The following CPT2 variants were observed in gnomAD, a reference collection of about 807,000 sequenced individuals.
CPT2 encodes carnitine O-palmitoyltransferase 2, mitochondrial.
CPT2 carries 37 observed loss-of-function variants against 48.6 expected under a neutral mutation model. That is an observed-to-expected ratio of 0.76 (90% CI 0.59 to 1.00). The LOEUF (loss-of-function observed/expected upper bound fraction) is 1.00, where lower values mean the gene tolerates loss of function less well. Among genes scored for constraint, CPT2 ranks in the 50% least tolerant of loss-of-function variants. The pLI is 0.00. For missense variants in CPT2, 772 were observed against 825.6 expected (o/e 0.94, Z 0.80); for synonymous variants, 319 against 326.9 (o/e 0.98, Z 0.26).
chr1:53,199,409 T>C (rs1197878734), intron 1 of CPT2, among the ~76,000 whole-genome samples: 1 of 152,180 alleles, frequency 6.6e-6, no homozygotes, highest in Non-Finnish European at 1.5e-5. Context: ...AGGCTGGTCT[T>C]GAACTCCTGG....
intron 3 of CPT2, among the ~76,000 whole-genome samples, chr1:53,204,558 G>C (rs1182487126): frequency 6.6e-6 from 1 of 152,066 alleles, no homozygotes; most frequent in Non-Finnish European, 1.5e-5. Context: ...CGATATGAGT[G>C]AGATATTAAA....
chr1:53,206,311 T>C (rs1310127289), intron 3 of CPT2, among the ~76,000 whole-genome samples: 1 of 151,900 alleles, frequency 6.6e-6, no homozygotes, highest in East Asian at 1.9e-4. Flanking sequence ...ACTAGGGCAA[T>C]GCAGATGGGA....
Position 53,210,939 on chromosome 1 carries a change from C to T in CPT2, c.1265C>T (p.Ala422Val). The T allele has an allele frequency of 6.2e-7, 1 of 1,614,172 alleles. No individual in the cohort carries two copies. Among genetic ancestry groups the T allele is most frequent in the Non-Finnish European group, 8.5e-7 (1 of 1,180,038 alleles). ...AAACTCAACTTCGAGCTGACTGATG[C>T]CTTAAAGACTGGCATCACAGCTGCT... Reference protein sequence around the residue: ...VQKLNFELTDALKTGITAAKE... With the variant: ...VQKLNFELTDVLKTGITAAKE... The change falls in exon 4 of 5, where the codon GCC (alanine) becomes GTC (valine). Residue 422 changes from alanine to valine, a missense_variant. Ala to Val is a moderately conservative substitution (Grantham distance 64, BLOSUM62 0). Coordinates refer to ENST00000371486, the MANE Select transcript of CPT2 (RefSeq NM_000098.3).
chr1:53,213,073 C>T lies in CPT2; in HGVS notation c.1646-191C>T. On this transcript the variant is annotated intron_variant, in intron 4 of 4. Transcript: ENST00000371486. ...AAATGTAACATGACATAATATATTT[C>T]CTAAATAATTTAAAATAATCTAGCT... 4.9e-6 allele frequency: 3 copies of T among 615,520 alleles called. No homozygotes were observed. In the East Asian group the frequency reaches 8.2e-5, roughly 17 times the overall value. 38.1% of individuals were successfully genotyped at this position (615,520 alleles called of 1,614,324 possible). A position where few individuals can be genotyped will look rare whatever the true frequency, so the allele number is the denominator to read the frequency against.
chr1:53,200,113 T>G (rs975491511), intron 1 of CPT2: 2 of 153,142 alleles, frequency 1.3e-5, no homozygotes, highest in Non-Finnish European at 2.9e-5. Flanking sequence ...GAATGATAAG[T>G]AGGCAAATTG....
chr1:53,197,627 AC>A lies in CPT2; in HGVS notation c.152+538del, dbSNP rs1167079306. On this transcript the variant is annotated intron_variant, in intron 1 of 4. Transcript: ENST00000371486. Reference sequence around the variant, plus strand: ...CATTTCTCCAGTACTCTGTTCTTTCACCCCCCATGAGCCCCCACAAGCACAG... The same window carrying A: ...CATTTCTCCAGTACTCTGTTCTTTCACCCCCATGAGCCCCCACAAGCACAG... The A allele has an allele frequency of 6.1e-5, 12 of 195,514 alleles. No individual in the cohort carries two copies. In the Admixed American group the frequency reaches 6.9e-4, roughly 11 times the overall value. The allele number at this position is 195,514 out of a possible 1,614,324, so 12.1% of individuals were successfully genotyped here. A position where few individuals can be genotyped will look rare whatever the true frequency, so the allele number is the denominator to read the frequency against.
chr1:53,207,856 C>T (rs1645398080), intron 3 of CPT2: 1 of 152,142 alleles, frequency 6.6e-6, no homozygotes, highest in African/African-American at 2.4e-5. Flanking sequence ...ATTGAATAGT[C>T]CTTCAACCAG....
intron 2 of CPT2, chr1:53,201,862 G>C (rs1208285183): frequency 5.5e-6 from 1 of 180,502 alleles, no homozygotes; most frequent in African/African-American, 2.4e-5. Flanking sequence ...ACCAGTTATT[G>C]AGTATTATGT....
chr1:53,202,823 C>T (rs890283503), intron 3 of CPT2: 2 of 250,588 alleles, frequency 8.0e-6, no homozygotes, highest in Non-Finnish European at 1.6e-5. Flanking sequence ...CCTCATTGCT[C>T]CCTGAACCCT....
Position 53,210,176 on chromosome 1 carries a change from G to A in CPT2, c.502G>A (p.Ala168Thr), listed in dbSNP as rs1482130494. The A allele has an allele frequency of 6.2e-7, 1 of 1,614,100 alleles. No individual in the cohort carries two copies. The highest frequency in any genetic ancestry group is 1.1e-5 in the South Asian group (1 of 91,082). ...SAIRFLKTLR[A>T]GLLEPEVFHL... ...CATCCGGTTTCTGAAGACACTCCGG[G>A]CTGGCCTTCTGGAGCCAGAAGTGTT... Residue 168 changes from alanine (A) to threonine (T), a missense_variant, in exon 4 of 5, where the codon GCT (alanine) becomes ACT (threonine). By Grantham distance (58) the Ala-to-Thr change is moderately conservative. Coordinates refer to ENST00000371486, the MANE Select transcript of CPT2 (RefSeq NM_000098.3).
chr1:53,204,895 T>A (rs952448775), intron 3 of CPT2, among the ~76,000 whole-genome samples: 3 of 152,246 alleles, frequency 2.0e-5, no homozygotes, highest in African/African-American at 7.2e-5. Context: ...GTAAGTTTCC[T>A]GAGGCCTCCC....
intron 4 of CPT2, chr1:53,211,660 C>T (rs1277744783): frequency 1.4e-5 from 5 of 346,338 alleles, no homozygotes; most frequent in Non-Finnish European, 2.0e-5. Context: ...AGTGCAATGG[C>T]GTGATCTCGG....
In CPT2 at chr1:53,209,860, T is replaced by C. The variant is rs12737375; in HGVS notation, c.341-155T>C. 0.29 allele frequency: 194,946 copies of C among 661,260 alleles called. 31,968 individuals carry two copies. Among genetic ancestry groups the C allele is most frequent in the East Asian group, 0.47 (17,467 of 37,096 alleles). The allele number at this position is 661,260 out of a possible 1,614,324, so 41.0% of individuals were successfully genotyped here. On this transcript the variant is annotated intron_variant, in intron 3 of 4. Coordinates refer to ENST00000371486, the MANE Select transcript of CPT2 (RefSeq NM_000098.3). ...TATTGTATGACCCCATTTGTATGTC[T>C]TGAATTATTGCAGAGCAAAAACATT...
chr1:53,198,293 T>A (rs1299251516), intron 1 of CPT2, among the ~76,000 whole-genome samples: 1 of 152,218 alleles, frequency 6.6e-6, no homozygotes, highest in Non-Finnish European at 1.5e-5. Context: ...TGGAACATTG[T>A]GTCACAGGCC....
In CPT2 at chr1:53,214,092, CAA is replaced by C. The variant is rs374495416; in HGVS notation, c.*498_*499del. On this transcript the variant is annotated 3_prime_UTR_variant, in exon 5 of 5. Transcript: ENST00000371486. ...GGGACTAGATCACAACTGAAGATAA[CAA>C]GAGATTTAAGTTTTAAGGGCATTTA... 5.9e-6 allele frequency: 1 copy of C among 168,330 alleles called. No individual in the cohort carries two copies. The highest frequency in any genetic ancestry group is 2.4e-5 in the African/African-American group (1 of 41,596). 10.4% of individuals were successfully genotyped at this position (168,330 alleles called of 1,614,324 possible).
chr1:53,198,822 C>T (rs180734052), intron 1 of CPT2, among the ~76,000 whole-genome samples: 57 of 152,312 alleles, frequency 3.7e-4, no homozygotes, highest in Admixed American at 3.3e-3. Flanking sequence ...CCTTAAGCAA[C>T]CAACCTCCCC....
Position 53,213,462 on chromosome 1 carries a change from C to T in CPT2, c.1844C>T (p.Ala615Val). ...TCTGATGGCTTTGGTGTTGGGTATG[C>T]TGTTCATGACAACTGGATAGGCTGC... is the stretch of plus-strand genomic sequence containing the variant. Reference protein sequence around the residue: ...VVSDGFGVGYAVHDNWIGCNV... With the variant: ...VVSDGFGVGYVVHDNWIGCNV... Residue 615 changes from alanine to valine, a missense_variant, in exon 5 of 5, where the codon GCT becomes GTT. Physicochemically the swap from Ala to Val is moderately conservative, Grantham distance 64 (BLOSUM62 0). Transcript: ENST00000371486. The T allele has an allele frequency of 2.5e-6, 4 of 1,614,264 alleles. No individual in the cohort carries two copies. Among genetic ancestry groups the T allele is most frequent in the Non-Finnish European group, 3.4e-6 (4 of 1,180,052 alleles).
chr1:53,196,844 C>A lies in CPT2; in HGVS notation c.-100C>A, dbSNP rs995165438. 6.9e-7 allele frequency: 1 copy of A among 1,450,248 alleles called. No individual in the cohort carries two copies. The highest frequency in any genetic ancestry group is 1.4e-5 in the African/African-American group (1 of 69,122). The allele number at this position is 1,450,248 out of a possible 1,614,324, so 89.8% of individuals were successfully genotyped here. A position where few individuals can be genotyped will look rare whatever the true frequency, so the allele number is the denominator to read the frequency against. On this transcript the variant is annotated 5_prime_UTR_variant, in exon 1 of 5. In the 5' UTR this introduces an upstream ATG that the reference lacks. Transcript: ENST00000371486. Reference sequence around the variant, plus strand: ...CGGGCGGAGAAGTGCCTCAGGAGTCCTGACGCAGTGTCTTGGGCGCTAACG... The same window carrying A: ...CGGGCGGAGAAGTGCCTCAGGAGTCATGACGCAGTGTCTTGGGCGCTAACG...
In CPT2 at chr1:53,210,075, T is replaced by A. The variant is rs1645411676; in HGVS notation, c.401T>A (p.Phe134Tyr). 6.2e-7 allele frequency: 1 copy of A among 1,614,178 alleles called. No individual in the cohort carries two copies. Among genetic ancestry groups the A allele is most frequent in the African/African-American group, 1.3e-5 (1 of 75,026 alleles). ...RDSVVLNFNP[F>Y]MAFNPDPKSE... ...TCCGTTGTTCTGAACTTTAATCCAT[T>A]TATGGCTTTCAATCCTGACCCAAAA... The change falls in exon 4 of 5, where the codon TTT becomes TAT. Residue 134 changes from phenylalanine (F) to tyrosine (Y), a missense_variant. Transcript: ENST00000371486.
Sources: gnomAD v4.1 joint callset for allele counts (sites outside exome capture counted in the v4.1 genomes callset) on GRCh38, gnomAD v4.1.1 for gene constraint, MANE v1.5 for transcripts, NCBI Gene and HGNC (gene_info 2026-07-23, HGNC 2026-07-21) for gene names.